HAUS1: variants seen among roughly 807,000 people sequenced by gnomAD.
The protein encoded by HAUS1 is HAUS augmin-like complex subunit 1.
A neutral mutation model predicts 38.6 loss-of-function variants in HAUS1; 25 were observed. The ratio of observed to expected loss-of-function variants is 0.65; its 90% CI spans 0.47 to 0.91. HAUS1 has a LOEUF of 0.91. Among genes scored for constraint, HAUS1 ranks in the 40% least tolerant of loss-of-function variants. The pLI is 0.00. For synonymous variants in HAUS1, 109 were observed against 112.9 expected (o/e 0.97, Z 0.22); for missense variants, 325 against 328.4 (o/e 0.99, Z 0.08).
In HAUS1 at chr18:46,120,006, A is replaced by G; in HGVS notation, c.422A>G (p.Glu141Gly). Reference protein sequence around the residue: ...SKSEEIKIELEKLEKNLTATL... With the variant: ...SKSEEIKIELGKLEKNLTATL... ...AGTGAAGAAATCAAGATTGAACTGG[A>G]AAAACTTGAAAAAAATTTAACTGCA... Residue 141 changes from glutamate (E) to glycine (G), a missense_variant, in exon 4 of 9, where the codon GAA (glutamate) becomes GGA (glycine). Transcript: ENST00000282058. The G allele has an allele frequency of 6.2e-7, 1 of 1,608,728 alleles. No homozygotes were observed. The highest frequency in any genetic ancestry group is 8.5e-7 in the Non-Finnish European group (1 of 1,176,754).
intron 2 of HAUS1, among the ~76,000 whole-genome samples, chr18:46,113,902 C>A (rs956838923): frequency 2.0e-5 from 3 of 152,164 alleles, no homozygotes; most frequent in African/African-American, 7.2e-5. Context: ...ATGTTATCAG[C>A]TCCTCAGGGA....
At chr18:46,108,346 C>T (rs1243477310) in intron 2 of HAUS1, among the ~76,000 whole-genome samples, 1 of 135,498 alleles carries the variant, frequency 7.4e-6, no homozygotes, top group Non-Finnish European at 1.5e-5. Context: ...GACAGTGTTT[C>T]ACCGTGTTGC....
chr18:46,106,375 C>G (rs1453492697), intron 2 of HAUS1, among the ~76,000 whole-genome samples: 1 of 151,322 alleles, frequency 6.6e-6, no homozygotes, highest in South Asian at 2.1e-4. Context: ...AGGCTGAGGC[C>G]GGAGAATGGC....
chr18:46,120,623 A>G (rs1186849031), intron 4 of HAUS1, among the ~76,000 whole-genome samples: 1 of 148,176 alleles, frequency 6.7e-6, no homozygotes, highest in Non-Finnish European at 1.5e-5. Context: ...TCTCGCTGAG[A>G]CACCCAGGCT....
chr18:46,115,602 T>C (rs1263464927), intron 2 of HAUS1, among the ~76,000 whole-genome samples: 4 of 151,626 alleles, frequency 2.6e-5, no homozygotes, highest in Non-Finnish European at 5.9e-5. Flanking sequence ...CACTCCAGCT[T>C]GGGTGACAGA....
chr18:46,119,055 G>C (rs1019788956), intron 3 of HAUS1, among the ~76,000 whole-genome samples: 1 of 151,984 alleles, frequency 6.6e-6, no homozygotes, highest in Non-Finnish European at 1.5e-5. Context: ...ATTTTTAGTA[G>C]AGACAGGGTT....
At chr18:46,113,624 G>A (rs911846942) in intron 2 of HAUS1, among the ~76,000 whole-genome samples, 14 of 152,122 alleles carry the variant, frequency 9.2e-5, no homozygotes, top group Non-Finnish European at 2.1e-4. Flanking sequence ...GATATTTGAA[G>A]TTTTTCCTGA....
chr18:46,106,860 C>CA (rs1254768528), intron 2 of HAUS1: 3 of 151,890 alleles, frequency 2.0e-5, no homozygotes, highest in African/African-American at 7.3e-5. Context: ...ACTAAAAATA[C>CA]AAAAATTAGC....
intron 4 of HAUS1, among the ~76,000 whole-genome samples, chr18:46,120,368 G>A (rs1282091609): frequency 6.6e-6 from 1 of 151,824 alleles, no homozygotes; most frequent in Non-Finnish European, 1.5e-5. Context: ...CCGAGTAGCT[G>A]GGATTACAGG....
At chr18:46,107,662 T>G (rs980490288) in intron 2 of HAUS1, among the ~76,000 whole-genome samples, 11 of 152,224 alleles carry the variant, frequency 7.2e-5, no homozygotes, top group African/African-American at 2.7e-4. Flanking sequence ...TTCCTCCATT[T>G]GCGATTCTAA....
intron 4 of HAUS1, among the ~76,000 whole-genome samples, chr18:46,121,325 G>C (rs1050218855): frequency 1.3e-5 from 2 of 151,898 alleles, no homozygotes; most frequent in African/African-American, 2.4e-5. Context: ...AAGTAGCTGG[G>C]ATTACAGGCA....
At chr18:46,127,806 G>A (rs976095100) in intron 8 of HAUS1, among the ~76,000 whole-genome samples, 9 of 151,680 alleles carry the variant, frequency 5.9e-5, no homozygotes, top group South Asian at 2.1e-4. Flanking sequence ...TTCATATGTC[G>A]TTACAGATTT....
At chr18:46,127,794 T>A (rs779633723) in intron 8 of HAUS1, among the ~76,000 whole-genome samples, 1 of 152,148 alleles carries the variant, frequency 6.6e-6, no homozygotes, top group Non-Finnish European at 1.5e-5. Flanking sequence ...CAGAAAAATT[T>A]ATTCATATGT....
intron 4 of HAUS1, among the ~76,000 whole-genome samples, chr18:46,120,977 T>A (rs1241064997): frequency 6.6e-6 from 1 of 152,224 alleles, no homozygotes; most frequent in East Asian, 1.9e-4. Context: ...TTATGTTTTG[T>A]TGTGCATTCT....
Position 46,110,345 on chromosome 18 carries a change from T to TG in HAUS1, c.205+4977_205+4978insG, listed in dbSNP as rs1181288561. On this transcript the variant is annotated intron_variant, in intron 2 of 8. Coordinates refer to ENST00000282058, the MANE Select transcript of HAUS1 (RefSeq NM_138443.4). ...TTATTTTTTTAAGGTTTTTTTTTTT[T>TG]TTTTTTTTTTTTTTTTTAGATGGAG... Among the ~76,000 whole-genome samples the TG allele has an allele frequency of 8.5e-3, 1,107 of 129,488 alleles. 29 individuals carry two copies. The highest frequency in any genetic ancestry group is 0.029 in the Admixed American group (364 of 12,728). 84.9% of individuals were successfully genotyped at this position (129,488 alleles called of 152,430 possible). A position where few individuals can be genotyped will look rare whatever the true frequency, so the allele number is the denominator to read the frequency against.
chr18:46,121,697 G>C (rs1911947404), intron 4 of HAUS1: 1 of 152,028 alleles, frequency 6.6e-6, no homozygotes, highest in South Asian at 2.1e-4. Context: ...TCTAATTTTA[G>C]TATATGAGCT....
At chr18:46,124,552 C>G (rs1912044510) in intron 6 of HAUS1, among the ~76,000 whole-genome samples, 1 of 151,798 alleles carries the variant, frequency 6.6e-6, no homozygotes, top group African/African-American at 2.4e-5. Context: ...TACCACTGCA[C>G]TCCAGCCTGG....
At chr18:46,115,029 A>G (rs1472059742) in intron 2 of HAUS1, 1 of 152,206 alleles carries the variant, frequency 6.6e-6, no homozygotes, top group Non-Finnish European at 1.5e-5. Context: ...CTCCTGGTCA[A>G]TTGAATTTTG....
Position 46,119,413 on chromosome 18 carries a change from C to CTTTTT in HAUS1, c.342-507_342-503dup, listed in dbSNP as rs146755160. Among the ~76,000 whole-genome samples, 5 of 146,548 alleles carry CTTTTT rather than the reference C, an allele frequency of 3.4e-5. No homozygotes were observed. In the Admixed American group the frequency reaches 3.4e-4, roughly 10 times the overall value. On this transcript the variant is annotated intron_variant, in intron 3 of 8. Transcript: ENST00000282058. ...AGGGATGAATCATATAATTTCTTGC[C>CTTTTT]TTTTTTTTTTACAAATAATGTGTAT... is the stretch of plus-strand genomic sequence containing the variant.
Sources: allele counts gnomAD v4.1 joint callset (sites outside exome capture counted in the v4.1 genomes callset), GRCh38; gene constraint gnomAD v4.1.1; transcripts MANE v1.5; gene names NCBI Gene and HGNC (gene_info 2026-07-23, HGNC 2026-07-21).